The following ADGRD1 variants were observed in gnomAD, a reference collection of about 807,000 sequenced individuals.
The protein encoded by ADGRD1 is G-protein coupled receptor 133.
In ADGRD1, 77 loss-of-function variants were observed where a neutral mutation model predicts 113.4. That is an observed-to-expected ratio of 0.68 (90% confidence interval 0.57 to 0.82). The LOEUF (loss-of-function observed/expected upper bound fraction) is 0.82, where lower values mean the gene tolerates loss of function less well. Among genes scored for constraint, ADGRD1 ranks in the 40% least tolerant of loss-of-function variants. The pLI is 0.00. For synonymous variants in ADGRD1, 474 were observed against 475.0 expected (o/e 1.00, Z 0.03); for missense variants, 1,036 against 1,139.1 (o/e 0.91, Z 1.30).
intron 13 of ADGRD1, among the ~76,000 whole-genome samples, chr12:131,068,070 G>A (rs1884864118): frequency 6.6e-6 from 1 of 152,206 alleles, no homozygotes; most frequent in South Asian, 2.1e-4. Context: ...GGAGATTTCA[G>A]AGAAGTCCCA....
At chr12:130,996,474 G>A (rs1258668605) in intron 8 of ADGRD1, among the ~76,000 whole-genome samples, 5 of 117,090 alleles carry the variant, frequency 4.3e-5, no homozygotes, top group African/African-American at 1.6e-4. Context: ...TCCCAGTAGG[G>A]GCGGCCGGGC....
At chr12:131,085,381 C>T (rs568348510) in intron 15 of ADGRD1, among the ~76,000 whole-genome samples, 160 of 152,026 alleles carry the variant, frequency 1.1e-3, no homozygotes, top group African/African-American at 3.7e-3. Flanking sequence ...TTGGCATGGC[C>T]GTGGATGGAG....
At chr12:131,088,541 C>A (rs1405542527) in intron 15 of ADGRD1, among the ~76,000 whole-genome samples, 2 of 152,160 alleles carry the variant, frequency 1.3e-5, no homozygotes, top group Non-Finnish European at 2.9e-5. Context: ...AGCCTCCCGG[C>A]CCTGAGCAAG....
At chr12:131,052,408 A>G (rs190453764) in intron 13 of ADGRD1, among the ~76,000 whole-genome samples, 1 of 152,278 alleles carries the variant, frequency 6.6e-6, no homozygotes, top group East Asian at 1.9e-4. Context: ...CTCAGTCCCC[A>G]AAGCGAGCTC....
rs775807072 is a variant in ADGRD1 at position 130,954,680 on chromosome 12, A to G, written c.103+20A>G. 2 of 1,608,480 alleles carry G rather than the reference A, an allele frequency of 1.2e-6. No homozygotes were observed. The highest frequency in any genetic ancestry group is 1.1e-5 in the South Asian group (1 of 90,934). On this transcript the variant is annotated intron_variant, in intron 2 of 24. Transcript: ENST00000261654. The surrounding 1 kb of genome is among the most constrained non-coding windows in gnomAD (Gnocchi z 4.7). ...ATCCAGGTAAGAGTGTTTCCTTCTC[A>G]CTCTGAGCACCGCTCTCCCCCTGCC...
chr12:131,014,321 T>A lies in ADGRD1; in HGVS notation c.1454T>A (p.Val485Asp). Residue 485 changes from valine to aspartate, a missense_variant, in exon 13 of 25, where the codon GTC becomes GAC. Transcript: ENST00000261654. ...CTGTCGGGCTCTCCACTCATTACGG[T>A]CCACCTCAAGCACAGATTGGTGAGT... ...QNLSGSPLIT[V>D]HLKHRLTRKQ... 1 of 1,613,894 alleles carries A rather than the reference T, an allele frequency of 6.2e-7. No individual in the cohort carries two copies. The highest frequency in any genetic ancestry group is 8.5e-7 in the Non-Finnish European group (1 of 1,179,882).
At chr12:130,986,626 ATTC>A (rs113110442) in intron 5 of ADGRD1, among the ~76,000 whole-genome samples, 5,106 of 152,234 alleles carry the variant, frequency 0.034, 256 homozygotes, top group African/African-American at 0.11. Flanking sequence ...CAATATTTAT[ATTC>A]TTATTTCCTT....
intron 18 of ADGRD1, among the ~76,000 whole-genome samples, chr12:131,112,989 G>A (rs1166328015): frequency 6.6e-6 from 1 of 152,204 alleles, no homozygotes; most frequent in Non-Finnish European, 1.5e-5. Context: ...GGGGGAATGA[G>A]AAATGCGGGC....
chr12:131,054,043 C>G lies in ADGRD1; in HGVS notation c.1474-22758C>G, dbSNP rs200189824. Among the ~76,000 whole-genome samples, 16 of 152,294 alleles carry G rather than the reference C, an allele frequency of 1.1e-4. No homozygotes were observed. The East Asian group carries it at 2.1e-3, about 20-fold the overall frequency. ...CACCTTGGGTTTTAACCCCTCACCA[C>G]AAGAACCCAAACCTGTATCAGAGTC... On this transcript the variant is annotated intron_variant, in intron 13 of 24. Transcript: ENST00000261654.
chr12:131,126,785 A>T (rs1950746290), intron 20 of ADGRD1, among the ~76,000 whole-genome samples: 1 of 151,956 alleles, frequency 6.6e-6, no homozygotes, highest in African/African-American at 2.4e-5. Flanking sequence ...TAGTGGGGAG[A>T]TGCTTAGCTG....
intron 20 of ADGRD1, among the ~76,000 whole-genome samples, 180 bp from the exon 21 acceptor site, chr12:131,131,544 GT>G (rs1178312032): frequency 3.3e-5 from 5 of 152,358 alleles, no homozygotes; most frequent in Non-Finnish European, 5.9e-5. Context: ...AAGCTTGCAT[GT>G]TGTGTGTGTT....
At chr12:130,963,092 G>C (rs186077510) in intron 2 of ADGRD1, 1 of 152,044 alleles carries the variant, frequency 6.6e-6, no homozygotes, top group Non-Finnish European at 1.5e-5. Context: ...AGGCCGAGGC[G>C]GGCGGATCAC....
chr12:131,001,085 T>C (rs560883992), intron 9 of ADGRD1, among the ~76,000 whole-genome samples: 92 of 151,492 alleles, frequency 6.1e-4, no homozygotes, highest in African/African-American at 2.1e-3. Context: ...TAATATGTAT[T>C]TTTTTTTTCT....
intron 12 of ADGRD1, 77 bp from the exon 13 acceptor site, chr12:131,014,122 G>T: frequency 7.0e-7 from 1 of 1,433,202 alleles, no homozygotes; most frequent in East Asian, 2.4e-5. Flanking sequence ...GTGGAACGCT[G>T]GCTCCCAGCC....
chr12:131,046,003 C>G (rs972694573), intron 13 of ADGRD1, among the ~76,000 whole-genome samples: 2 of 150,562 alleles, frequency 1.3e-5, no homozygotes, highest in Admixed American at 6.6e-5. Context: ...TGCTCAGTGT[C>G]CTCCCTGGTG....
intron 12 of ADGRD1, among the ~76,000 whole-genome samples, chr12:131,013,262 T>C (rs747308148): frequency 3.3e-5 from 5 of 152,154 alleles, no homozygotes; most frequent in Non-Finnish European, 5.9e-5. Context: ...GGGGAGTTTA[T>C]TGGATCACGT....
In ADGRD1 at chr12:130,955,465, C is replaced by T. The variant is rs566148791; in HGVS notation, c.103+805C>T. Among the ~76,000 whole-genome samples, 6 of 152,280 alleles carry T rather than the reference C, an allele frequency of 3.9e-5. No homozygotes were observed. In the South Asian group the frequency reaches 8.3e-4, roughly 21 times the overall value. On this transcript the variant is annotated intron_variant, in intron 2 of 24. Transcript: ENST00000261654. ...GACACCCAACCAGGAAGCATCAGGA[C>T]GGGGCTTCTCTCGGGAAGACAGGGA...
At position 131,113,635 on chromosome 12, in the gene ADGRD1, G is replaced by A. The variant is rs1240728366; in HGVS notation, c.2042-4750G>A. Among the ~76,000 whole-genome samples, 1 of 152,216 alleles carries A rather than the reference G, an allele frequency of 6.6e-6. No homozygotes were observed. Among genetic ancestry groups the A allele is most frequent in the African/African-American group, 2.4e-5 (1 of 41,452 alleles). ...TTGTGCTCCCCTCGTGGCTCCCTGG[G>A]GAGACTGAAGAGGCCACTTGGGCAG... On this transcript the variant is annotated intron_variant, in intron 18 of 24. Transcript: ENST00000261654. This position sits in a 1 kb window ranked among gnomAD's most constrained non-coding sequence, Gnocchi z 4.9.
chr12:131,128,338 C>G (rs67424059), intron 20 of ADGRD1, among the ~76,000 whole-genome samples: 1 of 151,690 alleles, frequency 6.6e-6, no homozygotes, highest in Non-Finnish European at 1.5e-5. Context: ...TCAAGTTGCT[C>G]GAGATCCTCT....
Sources: allele counts gnomAD v4.1 joint callset (sites outside exome capture counted in the v4.1 genomes callset), GRCh38; gene constraint gnomAD v4.1.1; non-coding constraint Gnocchi (gnomAD v3.1); transcripts MANE v1.5; gene names NCBI Gene and HGNC (gene_info 2026-07-23, HGNC 2026-07-21).